Variants in TSHZ1 observed in about 807,000 individuals in gnomAD.
TSHZ1 encodes the protein teashirt homolog 1.
TSHZ1 carries 12 observed loss-of-function variants against 67.1 expected under a neutral mutation model. The ratio of observed to expected loss-of-function variants is 0.18; its 90% CI spans 0.11 to 0.29. The LOEUF (loss-of-function observed/expected upper bound fraction) is 0.29. Ranked by LOEUF, TSHZ1 falls within the 10% of genes least tolerant of loss-of-function variation. The pLI is 1.00. For missense variants in TSHZ1, 1,305 were observed against 1,413.9 expected, an observed-to-expected ratio of 0.92 and a Z score of 1.23; for synonymous variants, 632 against 622.4, an observed-to-expected ratio of 1.02 and a Z score of -0.23.
intron 1 of TSHZ1, among the ~76,000 whole-genome samples, chr18:75,251,416 G>C (rs1468777385): frequency 6.7e-6 from 1 of 150,134 alleles, no homozygotes; most frequent in Admixed American, 6.6e-5. Flanking sequence ...GTATTTATTG[G>C]CTTGCTTTTT....
chr18:75,271,390 C>T (rs2023554540), intron 1 of TSHZ1, among the ~76,000 whole-genome samples: 1 of 152,174 alleles, frequency 6.6e-6, no homozygotes, highest in Non-Finnish European at 1.5e-5. Flanking sequence ...CTTCTTCCAT[C>T]TTTTTAGCTG....
chr18:75,216,167 A>C (rs953181575), intron 1 of TSHZ1, among the ~76,000 whole-genome samples: 1 of 152,208 alleles, frequency 6.6e-6, no homozygotes, highest in African/African-American at 2.4e-5. Flanking sequence ...GAAGACCGAA[A>C]TATCTTTTTT....
intron 1 of TSHZ1, among the ~76,000 whole-genome samples, chr18:75,250,816 C>T (rs958290457): frequency 3.9e-5 from 6 of 152,226 alleles, no homozygotes; most frequent in African/African-American, 1.2e-4. Context: ...GACGAGGGTC[C>T]AGGATGGATT....
rs768042138 is a variant in TSHZ1 at position 75,288,305 on chromosome 18, G to A, written c.2898G>A (p.Gly966=). ...AATTCCTAAAGAACCTGGACACAGG[G>A]CATCCTGTTTTCTTTTGCAACGATT... The part of the protein sequence containing the change: ...GTKFLKNLDT[G]HPVFFCNDCA... Residue 966 remains glycine (G), a synonymous_variant, in exon 2 of 2, where the codon GGG becomes GGA. Transcript: ENST00000580243. The surrounding 1 kb of genome is among the most constrained non-coding windows in gnomAD (Gnocchi z 4.9). 12 of 1,614,206 alleles carry A rather than the reference G, an allele frequency of 7.4e-6. No homozygotes were observed. The highest frequency in any genetic ancestry group is 1.0e-5 in the Non-Finnish European group (12 of 1,180,038).
chr18:75,216,391 G>A (rs2122511998), intron 1 of TSHZ1, among the ~76,000 whole-genome samples: 1 of 152,258 alleles, frequency 6.6e-6, no homozygotes, highest in East Asian at 1.9e-4. Flanking sequence ...TTACAGTGGT[G>A]GGGTAATTTG....
chr18:75,260,134 G>A (rs956029950), intron 1 of TSHZ1, among the ~76,000 whole-genome samples: 4 of 152,378 alleles, frequency 2.6e-5, no homozygotes, highest in Non-Finnish European at 5.9e-5. Context: ...ATGAGGGCAG[G>A]CCTGGCCCCG....
chr18:75,272,889 G>C lies in TSHZ1; in HGVS notation c.41-12559G>C, dbSNP rs143657853. 2.9e-3 allele frequency among the ~76,000 whole-genome samples: 449 copies of C among 152,274 alleles called. 4 individuals are homozygous for C. Among genetic ancestry groups the C allele is most frequent in the African/African-American group, 0.01 (433 of 41,560 alleles). On this transcript the variant is annotated intron_variant, in intron 1 of 1. Transcript: ENST00000580243. ...AGTTAGAAATGGAAACACCTAGTCA[G>C]CTGGCCTGTCATATTAAATGCTAAT...
intron 1 of TSHZ1, among the ~76,000 whole-genome samples, 170 bp downstream of exon 1, chr18:75,212,086 C>T (rs1007040706): frequency 1.3e-5 from 2 of 152,084 alleles, no homozygotes; most frequent in Admixed American, 1.3e-4. Context: ...GCCGTCCTCC[C>T]CCACACCCCC....
chr18:75,237,791 C>CTTTCTTTTATTT (rs150217532), intron 1 of TSHZ1, among the ~76,000 whole-genome samples: 28 of 143,568 alleles, frequency 2.0e-4, no homozygotes, highest in South Asian at 1.8e-3. Context: ...TTCTTTCTTT[C>CTTTCTTTTATTT]ATTTATTTAT....
intron 1 of TSHZ1, among the ~76,000 whole-genome samples, chr18:75,234,107 G>A (rs544087979): frequency 3.3e-4 from 51 of 152,290 alleles, no homozygotes; most frequent in African/African-American, 1.2e-3. Context: ...AGAGAGAGAA[G>A]CTGAAATCTA....
Position 75,261,155 on chromosome 18 carries a change from A to C in TSHZ1, c.41-24293A>C, listed in dbSNP as rs555079486. ...ACCTGAGTGTTGACAAACAACTCTA[A>C]GGACTACTACCCCGCCAAGTAGGAA... On this transcript the variant is annotated intron_variant, in intron 1 of 1. Coordinates refer to ENST00000580243, the MANE Select transcript of TSHZ1 (RefSeq NM_001308210.2). 2.2e-3 allele frequency among the ~76,000 whole-genome samples: 338 copies of C among 152,142 alleles called. 4 individuals are homozygous for C. Among genetic ancestry groups the C allele is most frequent in the African/African-American group, 8.0e-3 (333 of 41,520 alleles).
At chr18:75,266,225 T>C (rs987010283) in intron 1 of TSHZ1, among the ~76,000 whole-genome samples, 2 of 152,238 alleles carry the variant, frequency 1.3e-5, no homozygotes, top group African/African-American at 4.8e-5. Flanking sequence ...CACACTTAGC[T>C]GTCGAAGTCA....
chr18:75,261,044 T>G (rs1467159736), intron 1 of TSHZ1, among the ~76,000 whole-genome samples: 3 of 151,886 alleles, frequency 2.0e-5, no homozygotes, highest in Non-Finnish European at 4.4e-5. Context: ...AGTGAAACTG[T>G]ATCACTTCCG....
At chr18:75,262,526 GC>G (rs1310778038) in intron 1 of TSHZ1, among the ~76,000 whole-genome samples, 1 of 152,156 alleles carries the variant, frequency 6.6e-6, no homozygotes, top group Non-Finnish European at 1.5e-5. Flanking sequence ...TGGCCTCTTG[GC>G]TAGGACCATC....
intron 1 of TSHZ1, among the ~76,000 whole-genome samples, chr18:75,274,654 G>A (rs1020190345): frequency 6.6e-6 from 1 of 152,148 alleles, no homozygotes; most frequent in African/African-American, 2.4e-5. Flanking sequence ...ACAAAGGATT[G>A]TCACAAATAA....
chr18:75,284,424 A>G (rs1313134797), intron 1 of TSHZ1: 1 of 152,382 alleles, frequency 6.6e-6, no homozygotes, highest in Non-Finnish European at 1.5e-5. Flanking sequence ...TTTATAATGT[A>G]TAAGTGACCA....
intron 1 of TSHZ1, among the ~76,000 whole-genome samples, chr18:75,263,663 G>A (rs187777145): frequency 6.6e-6 from 1 of 152,110 alleles, no homozygotes; most frequent in African/African-American, 2.4e-5. Flanking sequence ...TATGTTGTTT[G>A]TATCAACATT....
At chr18:75,262,252 CTTTA>C (rs1182898478) in intron 1 of TSHZ1, among the ~76,000 whole-genome samples, 1 of 152,148 alleles carries the variant, frequency 6.6e-6, no homozygotes, top group Admixed American at 6.5e-5. Context: ...CTGCCTTCCC[CTTTA>C]GTGATACTAT....
chr18:75,214,874 G>A lies in TSHZ1; in HGVS notation c.40+2958G>A, dbSNP rs146407848. Among the ~76,000 whole-genome samples, 20 of 152,116 alleles carry A rather than the reference G, an allele frequency of 1.3e-4. No individual in the cohort carries two copies. The East Asian group carries it at 1.5e-3, about 12-fold the overall frequency. ...TTGTGACAGGCGTAACGATTAATGCGGACAAATTCAGTGAGCTGTCAAGTT... is the reference window on the plus strand; with the variant it reads ...TTGTGACAGGCGTAACGATTAATGCAGACAAATTCAGTGAGCTGTCAAGTT... On this transcript the variant is annotated intron_variant, in intron 1 of 1. Coordinates refer to ENST00000580243, the MANE Select transcript of TSHZ1 (RefSeq NM_001308210.2).
Sources: allele counts gnomAD v4.1 joint callset (sites outside exome capture counted in the v4.1 genomes callset), GRCh38; gene constraint gnomAD v4.1.1; non-coding constraint Gnocchi (gnomAD v3.1); transcripts MANE v1.5; gene names NCBI Gene and HGNC (gene_info 2026-07-23, HGNC 2026-07-21).